The following CREB5 variants were observed in gnomAD, a reference collection of about 807,000 sequenced individuals.
The protein encoded by CREB5 is cyclic AMP-responsive element-binding protein 5.
A neutral mutation model predicts 57.1 loss-of-function variants in CREB5; 19 were observed. The ratio of observed to expected loss-of-function variants is 0.33; its 90% CI spans 0.23 to 0.49. The LOEUF is 0.49. CREB5 is among the 20% of genes least tolerant of loss of function. The pLI, the probability that CREB5 is intolerant of heterozygous loss-of-function variation, is 0.99. For synonymous variants in CREB5, 238 were observed against 238.3 expected, an observed-to-expected ratio of 1.00 and a Z score of 0.01; for missense variants, 579 against 671.6, an observed-to-expected ratio of 0.86 and a Z score of 1.52.
At chr7:28,306,630 G>T (rs1192696868) in intron 1 of CREB5, among the ~76,000 whole-genome samples, 4 of 137,490 alleles carry the variant, frequency 2.9e-5, no homozygotes, top group Non-Finnish European at 4.6e-5. Flanking sequence ...GCGGGATCTC[G>T]GCTCACTGCA....
chr7:28,801,869 G>A (rs979842332), intron 7 of CREB5, among the ~76,000 whole-genome samples: 2 of 151,766 alleles, frequency 1.3e-5, no homozygotes, highest in Non-Finnish European at 2.9e-5. Context: ...GGTGGATCAC[G>A]AGGTCAAAAG....
At chr7:28,524,160 G>C (rs1793324009) in intron 4 of CREB5, among the ~76,000 whole-genome samples, 1 of 152,210 alleles carries the variant, frequency 6.6e-6, no homozygotes, top group Non-Finnish European at 1.5e-5. Context: ...CTCTTAGACA[G>C]CTTTAGTATA....
intron 1 of CREB5, among the ~76,000 whole-genome samples, chr7:28,312,016 G>A (rs1463642364): frequency 6.6e-6 from 1 of 152,056 alleles, no homozygotes. Context: ...CCTGTGTTCT[G>A]CACCCTTTTG....
At chr7:28,816,538 T>C (rs1809448961) in intron 9 of CREB5, among the ~76,000 whole-genome samples, 1 of 151,468 alleles carries the variant, frequency 6.6e-6, no homozygotes, top group South Asian at 2.1e-4. Flanking sequence ...GAGATGAGAT[T>C]TGTAGATGAG....
At chr7:28,363,292 C>A (rs1022772779) in intron 1 of CREB5, among the ~76,000 whole-genome samples, 2 of 152,094 alleles carry the variant, frequency 1.3e-5, no homozygotes, top group African/African-American at 4.8e-5. Flanking sequence ...ATGAAGAAGG[C>A]AAGCACATAA....
At chr7:28,555,995 T>G (rs1794848320) in intron 4 of CREB5, among the ~76,000 whole-genome samples, 1 of 152,184 alleles carries the variant, frequency 6.6e-6, no homozygotes, top group African/African-American at 2.4e-5. Flanking sequence ...GCAGACTTAG[T>G]GGTTTTTCAC....
At chr7:28,440,983 T>C (rs1193906566) in intron 1 of CREB5, among the ~76,000 whole-genome samples, 1 of 152,220 alleles carries the variant, frequency 6.6e-6, no homozygotes, top group Non-Finnish European at 1.5e-5. Context: ...ATCCCAAATG[T>C]ATTTTATCAA....
At chr7:28,344,187 C>T (rs951190297) in intron 1 of CREB5, among the ~76,000 whole-genome samples, 36 of 151,764 alleles carry the variant, frequency 2.4e-4, no homozygotes, top group African/African-American at 8.0e-4. Context: ...GCTTTTGTTG[C>T]CTGTGCTTTT....
At chr7:28,452,840 G>C (rs1207479438) in intron 1 of CREB5, among the ~76,000 whole-genome samples, 3 of 152,248 alleles carry the variant, frequency 2.0e-5, no homozygotes, top group African/African-American at 7.2e-5. Flanking sequence ...CTGGCAGAGA[G>C]AGCAGGACAG....
chr7:28,605,157 G>C (rs1023001687), intron 5 of CREB5, among the ~76,000 whole-genome samples: 1 of 152,130 alleles, frequency 6.6e-6, no homozygotes, highest in Admixed American at 6.6e-5. Context: ...ACGTAGAGAA[G>C]ACCATGTCTA....
At chr7:28,420,442 T>A (rs1223707454) in intron 1 of CREB5, among the ~76,000 whole-genome samples, 1 of 152,170 alleles carries the variant, frequency 6.6e-6, no homozygotes, top group African/African-American at 2.4e-5. Flanking sequence ...TTTAAAAACA[T>A]AGGGGGTTCT....
chr7:28,521,078 A>G (rs905972852), intron 4 of CREB5, among the ~76,000 whole-genome samples: 1 of 152,198 alleles, frequency 6.6e-6, no homozygotes, highest in African/African-American at 2.4e-5. Flanking sequence ...CCATTAATAA[A>G]GGCAAAAGAA....
chr7:28,781,762 G>A (rs1348954478), intron 7 of CREB5, among the ~76,000 whole-genome samples: 1 of 128,148 alleles, frequency 7.8e-6, no homozygotes, highest in African/African-American at 3.0e-5. Flanking sequence ...CTATCGTTTG[G>A]TACAAAAATT....
chr7:28,562,105 G>A (rs771495827), intron 4 of CREB5, among the ~76,000 whole-genome samples: 7 of 152,192 alleles, frequency 4.6e-5, no homozygotes, highest in African/African-American at 1.4e-4. Context: ...TGGTGGATAC[G>A]TCAATCACAG....
rs1024893884 is a variant in CREB5, at chr7:28,823,030, G to A, written c.*3751G>A. On this transcript the variant is annotated 3_prime_UTR_variant, in exon 11 of 11. Transcript: ENST00000357727. ...TGAAACAAAATGGAGAGCGTATTCTGATAGAAGGACGTCGACGGTGAATGT... is the reference window on the plus strand; with the variant it reads ...TGAAACAAAATGGAGAGCGTATTCTAATAGAAGGACGTCGACGGTGAATGT... 7 of 152,636 alleles carry A rather than the reference G, an allele frequency of 4.6e-5. No individual in the cohort carries two copies. Among genetic ancestry groups the A allele is most frequent in the African/African-American group, 1.7e-4 (7 of 41,450 alleles). The allele number at this position is 152,636 out of a possible 1,614,324, so 9.5% of individuals were successfully genotyped here.
chr7:28,594,216 G>A (rs1796621730), intron 5 of CREB5, among the ~76,000 whole-genome samples: 1 of 152,194 alleles, frequency 6.6e-6, no homozygotes, highest in Non-Finnish European at 1.5e-5. Flanking sequence ...TATGTAAAAA[G>A]GGAAAGCTTA....
rs1376338798 is a variant in CREB5, at chr7:28,348,408, T to TCTCTCACACA, written c.-25+48968_-25+48969insTCTCACACAC. Reference sequence around the variant, plus strand: ...GTCTCTCTCTCTCTGTCTCTCTCTCTCACACACACACACACACACACACAC... The same window carrying TCTCTCACACA: ...GTCTCTCTCTCTCTGTCTCTCTCTCTCTCTCACACACACACACACACACACACACACACAC... On this transcript the variant is annotated intron_variant, in intron 1 of 9. Coordinates refer to the CREB5 transcript ENST00000396299. 7.9e-3 allele frequency among the ~76,000 whole-genome samples: 930 copies of TCTCTCACACA among 118,230 alleles called. 6 individuals carry two copies. The highest frequency in any genetic ancestry group is 0.028 in the African/African-American group (886 of 31,712). The allele number at this position is 118,230 out of a possible 152,430, so 77.6% of individuals were successfully genotyped here.
rs879910028 is a variant in CREB5, at chr7:28,820,127, G to C, written c.*848G>C. ...TAACCAGGAGATGTTTAATGTGCCT[G>C]ATTTAATGTTTTTAATAATCACAGC... On this transcript the variant is annotated 3_prime_UTR_variant, in exon 11 of 11. Coordinates refer to ENST00000357727, the MANE Select transcript of CREB5 (RefSeq NM_182898.4). 2.0e-5 allele frequency: 3 copies of C among 152,198 alleles called. No homozygotes were observed. Among genetic ancestry groups the C allele is most frequent in the Admixed American group, 2.0e-4 (3 of 15,266 alleles). 9.4% of individuals were successfully genotyped at this position (152,198 alleles called of 1,614,324 possible).
At chr7:28,446,782 A>T (rs191206315) in intron 1 of CREB5, among the ~76,000 whole-genome samples, 3 of 152,086 alleles carry the variant, frequency 2.0e-5, no homozygotes, top group Admixed American at 2.0e-4. Context: ...ACAGAGTGAG[A>T]CTCTGTCTCA....
Sources: allele counts gnomAD v4.1 joint callset (sites outside exome capture counted in the v4.1 genomes callset), GRCh38; gene constraint gnomAD v4.1.1; transcripts MANE v1.5; gene names NCBI Gene and HGNC (gene_info 2026-07-23, HGNC 2026-07-21).